The following GRK3 variants were observed in gnomAD, a reference collection of about 807,000 sequenced individuals.
The protein encoded by GRK3 is G protein-coupled receptor kinase 3.
In GRK3, 54 loss-of-function variants were observed where a neutral mutation model predicts 95.7. The ratio of observed to expected loss-of-function variants is 0.56; its 90% confidence interval spans 0.45 to 0.71. The LOEUF is 0.71. Ranked by LOEUF, GRK3 falls within the 30% of genes least tolerant of loss-of-function variation. GRK3 has a pLI of 0.00. For synonymous variants in GRK3, 281 were observed against 290.8 expected (o/e 0.97, Z 0.34); for missense variants, 649 against 851.2 (o/e 0.76, Z 2.96).
chr22:25,591,803 G>A (rs529155930), intron 1 of GRK3, among the ~76,000 whole-genome samples: 2 of 152,012 alleles, frequency 1.3e-5, no homozygotes, highest in African/African-American at 4.8e-5. Flanking sequence ...GATCCATCTG[G>A]GTTTTTAAAT....
intron 4 of GRK3, among the ~76,000 whole-genome samples, chr22:25,663,427 A>C (rs1198310398): frequency 3.9e-5 from 6 of 152,206 alleles, no homozygotes; most frequent in African/African-American, 1.4e-4. Context: ...GCATGTATCT[A>C]AGAACTGGAT....
rs2085494938 is a variant in GRK3 at position 25,728,916 on chromosome 22, A to G, written c.*6466A>G. 1 of 152,208 alleles carries G rather than the reference A, an allele frequency of 6.6e-6. No homozygotes were observed. The highest frequency in any genetic ancestry group is 1.5e-5 in the Non-Finnish European group (1 of 68,032). 9.4% of individuals were successfully genotyped at this position (152,208 alleles called of 1,614,324 possible). On this transcript the variant is annotated 3_prime_UTR_variant, in exon 21 of 21. Transcript: ENST00000324198. ...CTGTTTTCATAGCCATCAATATAGT[A>G]ACATATTTACTATATTCTTGAATAC...
intron 5 of GRK3, among the ~76,000 whole-genome samples, chr22:25,664,787 G>C (rs1293863945): frequency 2.0e-5 from 3 of 152,136 alleles, no homozygotes; most frequent in Non-Finnish European, 2.9e-5. Flanking sequence ...CCAAAGTGCT[G>C]GGATTACAGG....
intron 3 of GRK3, 86 bp from the exon 4 acceptor site, chr22:25,661,490 G>A: frequency 1.4e-6 from 1 of 736,582 alleles, no homozygotes; most frequent in Non-Finnish European, 2.3e-6. Flanking sequence ...ATGTGCAAGT[G>A]GTTTCTGCCT....
At chr22:25,639,352 TAATTCTTTATAAGGTGTGAGGTAAC>T (rs2084726536) in intron 2 of GRK3, among the ~76,000 whole-genome samples, 1 of 152,220 alleles carries the variant, frequency 6.6e-6, no homozygotes, top group South Asian at 2.1e-4. Context: ...ATCCTTAATT[TAATTCTTTATAAGGTGTGAGGTAAC>T]AATTCCTTTC....
intron 17 of GRK3, among the ~76,000 whole-genome samples, chr22:25,713,143 A>G (rs933190033): frequency 3.9e-5 from 6 of 152,208 alleles, no homozygotes; most frequent in African/African-American, 1.4e-4. Context: ...TTTCAGAATA[A>G]CTGCCTGGGC....
intron 12 of GRK3, among the ~76,000 whole-genome samples, chr22:25,693,993 G>A (rs146018111): frequency 0.017 from 2,652 of 152,030 alleles, 80 homozygotes; most frequent in African/African-American, 0.061. Flanking sequence ...GTTTCTCCAC[G>A]TTGGTCAGGC....
At chr22:25,648,322 A>T in intron 3 of GRK3, 1 of 1,174,904 alleles carries the variant, frequency 8.5e-7, no homozygotes, top group Non-Finnish European at 1.3e-6. Flanking sequence ...GCAAAACACT[A>T]CACAGAACAT....
chr22:25,668,928 G>C (rs945445412), intron 6 of GRK3, among the ~76,000 whole-genome samples: 2 of 152,148 alleles, frequency 1.3e-5, no homozygotes, highest in African/African-American at 2.4e-5. Context: ...AGTGATTTTC[G>C]CTCATTGAGA....
Position 25,673,101 on chromosome 22 carries a change from G to A in GRK3, c.555+754G>A, listed in dbSNP as rs563646717. Reference sequence around the variant, plus strand: ...TTTTTGAGACGAGTCTCGCTCTGTCGCCCAGGCTGGAATGTAGTGGCGCGA... The same window carrying A: ...TTTTTGAGACGAGTCTCGCTCTGTCACCCAGGCTGGAATGTAGTGGCGCGA... On this transcript the variant is annotated intron_variant, in intron 7 of 20. Coordinates refer to ENST00000324198, the MANE Select transcript of GRK3 (RefSeq NM_005160.4). 7.9e-5 allele frequency among the ~76,000 whole-genome samples: 11 copies of A among 139,810 alleles called. 1 individual carries two copies. The Middle Eastern group carries it at 0.03, about 385-fold the overall frequency. The allele number at this position is 139,810 out of a possible 152,430, so 91.7% of individuals were successfully genotyped here. A position where few individuals can be genotyped will look rare whatever the true frequency, so the allele number is the denominator to read the frequency against.
At position 25,576,859 on chromosome 22, in the gene GRK3, G is replaced by A. The variant is rs572435967; in HGVS notation, c.113+11706G>A. ...ATTCAGTAAAGATTATCCACTGCAGGGGTCTGAGGAAGTGCTCCAGTAGCA... is the reference window on the plus strand; with the variant it reads ...ATTCAGTAAAGATTATCCACTGCAGAGGTCTGAGGAAGTGCTCCAGTAGCA... On this transcript the variant is annotated intron_variant, in intron 1 of 20. Transcript: ENST00000324198. 3.3e-5 allele frequency among the ~76,000 whole-genome samples: 5 copies of A among 152,300 alleles called. No individual in the cohort carries two copies. The East Asian group carries it at 7.7e-4, about 24-fold the overall frequency.
intron 20 of GRK3, among the ~76,000 whole-genome samples, chr22:25,722,080 G>T (rs2085436727): frequency 6.6e-6 from 1 of 152,198 alleles, no homozygotes; most frequent in Admixed American, 6.5e-5. Flanking sequence ...TCATCTGAAG[G>T]GTTTTAATGT....
intron 3 of GRK3, chr22:25,648,871 A>G (rs1440120522): frequency 4.3e-6 from 4 of 926,132 alleles, no homozygotes; most frequent in Non-Finnish European, 7.2e-6. Context: ...TTAATTGAAG[A>G]CAATGAATAC....
At chr22:25,568,329 CAG>C (rs1277932210) in intron 1 of GRK3, among the ~76,000 whole-genome samples, 1 of 151,530 alleles carries the variant, frequency 6.6e-6, no homozygotes, top group African/African-American at 2.4e-5. Context: ...TTAAAAAAAA[CAG>C]AATGAAATTC....
At chr22:25,620,100 G>A (rs1283339362) in intron 2 of GRK3, among the ~76,000 whole-genome samples, 2 of 150,834 alleles carry the variant, frequency 1.3e-5, no homozygotes, top group African/African-American at 4.9e-5. Flanking sequence ...AAGGAAGGGA[G>A]AAGGAAGAAG....
chr22:25,690,047 A>G (rs2085152758), intron 11 of GRK3, 142 bp from the exon 12 acceptor site: 1 of 613,900 alleles, frequency 1.6e-6, no homozygotes, highest in South Asian at 2.0e-5. Flanking sequence ...CCCCACTTTG[A>G]TGTGATGGGC....
At chr22:25,699,640 G>A (rs1160124750) in intron 13 of GRK3, among the ~76,000 whole-genome samples, 4 of 151,928 alleles carry the variant, frequency 2.6e-5, no homozygotes, top group Admixed American at 1.3e-4. Context: ...GTGCAGTGAG[G>A]TGGAATCAAT....
At chr22:25,688,044 G>T (rs564077282) in intron 11 of GRK3, among the ~76,000 whole-genome samples, 64 of 152,224 alleles carry the variant, frequency 4.2e-4, no homozygotes, top group African/African-American at 1.4e-3. Context: ...AGGCCATCCT[G>T]GCTAACACAG....
In GRK3 at chr22:25,687,639, A is replaced by G; in HGVS notation, c.929A>G (p.Asn310Ser). The change falls in exon 11 of 21, where the codon AAT becomes AGT. Residue 310 changes from asparagine (N) to serine (S), a missense_variant. Transcript: ENST00000324198. ...EIILGLEHMH[N>S]RFVVYRDLKP... The stretch of plus-strand genomic sequence containing the variant: ...ATTCTGGGTCTGGAACACATGCACA[A>G]TCGGTTTGTTGTCTACAGAGATTTG... The G allele has an allele frequency of 1.2e-5, 20 of 1,614,128 alleles. No homozygotes were observed. The highest frequency in any genetic ancestry group is 1.6e-5 in the Non-Finnish European group (19 of 1,180,006).
Sources: allele counts gnomAD v4.1 joint callset (sites outside exome capture counted in the v4.1 genomes callset), GRCh38; gene constraint gnomAD v4.1.1; transcripts MANE v1.5; gene names NCBI Gene and HGNC (gene_info 2026-07-23, HGNC 2026-07-21).